The following ZNF708 variants were observed in gnomAD, a reference collection of about 807,000 sequenced individuals.
The protein encoded by ZNF708 is zinc finger protein 708.
In ZNF708, 44 loss-of-function variants were observed where a neutral mutation model predicts 47.0. The ratio of observed to expected loss-of-function variants is 0.94; its 90% CI spans 0.74 to 1.20. The LOEUF (loss-of-function observed/expected upper bound fraction) is 1.20, where lower values mean the gene tolerates loss of function less well. ZNF708 is among the 50% of genes most tolerant of loss of function. The pLI, the probability that ZNF708 is intolerant of heterozygous loss-of-function variation, is 0.00. For synonymous variants in ZNF708, 184 were observed against 218.5 expected (o/e 0.84, Z 1.39); for missense variants, 557 against 656.0 (o/e 0.85, Z 1.65).
chr19:21,309,400 G>A, intron 2 of ZNF708, 59 bp from the exon 3 acceptor site: 1 of 1,441,158 alleles, frequency 6.9e-7, no homozygotes, highest in Non-Finnish European at 9.3e-7. Flanking sequence ...TACCAACCTA[G>A]TAATTTTCTC....
At chr19:21,305,153 G>A (rs1200140434) in intron 3 of ZNF708, among the ~76,000 whole-genome samples, 4 of 151,772 alleles carry the variant, frequency 2.6e-5, no homozygotes, top group East Asian at 1.9e-4. Context: ...TAGGACTACA[G>A]GTGCGTGCCA....
At chr19:21,328,177 G>A (rs527060) in intron 1 of ZNF708, 158,892 of 169,418 alleles carry the variant, frequency 0.94, 74,809 homozygotes, top group Middle Eastern at 0.98. Flanking sequence ...TTCTGTGCCT[G>A]AGGAAGATAA....
rs565090382 is a variant in ZNF708 at position 21,302,655 on chromosome 19, T to C, written c.226+6591A>G. The stretch of plus-strand genomic sequence containing the variant: ...TGGAGGTTGCAGTGAGCCGAGATCA[T>C]GCCATTGCACTCCAGCCTGGGTGAC... On this transcript the variant is annotated intron_variant, in intron 3 of 3. Coordinates refer to ENST00000356929, the MANE Select transcript of ZNF708 (RefSeq NM_021269.3). Among the ~76,000 whole-genome samples, 3 of 152,136 alleles carry C rather than the reference T, an allele frequency of 2.0e-5. No individual in the cohort carries two copies. The East Asian group carries it at 5.8e-4, about 29-fold the overall frequency.
At chr19:21,308,548 G>C (rs957251394) in intron 3 of ZNF708, among the ~76,000 whole-genome samples, 28 of 152,088 alleles carry the variant, frequency 1.8e-4, no homozygotes, top group Middle Eastern at 3.4e-3. Context: ...CACAGTGCTG[G>C]GTTTACAGGA....
intron 3 of ZNF708, among the ~76,000 whole-genome samples, chr19:21,304,804 C>T (rs1297797530): frequency 6.6e-6 from 1 of 152,106 alleles, no homozygotes; most frequent in East Asian, 1.9e-4. Context: ...GCCCAGCAGG[C>T]TGAGGTTGCA....
chr19:21,316,209 C>A (rs1973006339), intron 1 of ZNF708, among the ~76,000 whole-genome samples: 2 of 145,554 alleles, frequency 1.4e-5, no homozygotes, highest in Admixed American at 1.4e-4. Flanking sequence ...TCTCAGCTCA[C>A]CGCAACTTCC....
At chr19:21,325,239 A>G (rs1973231818) in intron 1 of ZNF708, among the ~76,000 whole-genome samples, 1 of 152,214 alleles carries the variant, frequency 6.6e-6, no homozygotes, top group Non-Finnish European at 1.5e-5. Flanking sequence ...GTGGAACAAA[A>G]AAGAGCCTGC....
Position 21,293,389 on chromosome 19 carries a change from T to C in ZNF708, c.1577A>G (p.His526Arg), listed in dbSNP as rs768505226. Residue 526 changes from histidine (H) to arginine (R), a missense_variant, in exon 4 of 4, where the codon CAT (histidine) becomes CGT (arginine). Transcript: ENST00000356929. ...ACATTTGTAGGGTTTCTCTCCAGTA[T>C]GAATTATCTTATGTTTCATAAGGGT... ...SSTLMKHKII[H>R]TGEKPYKCEE... 1.9e-6 allele frequency: 3 copies of C among 1,613,728 alleles called. No homozygotes were observed. Among genetic ancestry groups the C allele is most frequent in the East Asian group, 4.5e-5 (2 of 44,794 alleles).
rs141528838 is a variant in ZNF708, at chr19:21,312,463, C to T, written c.4-1836G>A. The stretch of plus-strand genomic sequence containing the variant: ...TGGGAGACAGAGTGAGACTCCATCT[C>T]AAAACAAACAAATACAACATGGATG... On this transcript the variant is annotated intron_variant, in intron 1 of 3. Coordinates refer to ENST00000356929, the MANE Select transcript of ZNF708 (RefSeq NM_021269.3). Among the ~76,000 whole-genome samples, 217 of 152,204 alleles carry T rather than the reference C, an allele frequency of 1.4e-3. 1 individual carries two copies. Among genetic ancestry groups the T allele is most frequent in the African/African-American group, 4.9e-3 (205 of 41,526 alleles).
chr19:21,309,188 TTC>T lies in ZNF708; in HGVS notation c.226+56_226+57del, dbSNP rs766994910. On this transcript the variant is annotated intron_variant, in intron 3 of 3. Transcript: ENST00000356929. ...CCAAGTCAAATTTTAAGGACTGGTTTTCTCTTTTACCTTTGGACCTCACATCT... is the reference window on the plus strand; with the variant it reads ...CCAAGTCAAATTTTAAGGACTGGTTTTCTTTTACCTTTGGACCTCACATCT... The T allele has an allele frequency of 1.5e-4, 215 of 1,439,528 alleles. 1 individual carries two copies. Among genetic ancestry groups the T allele is most frequent in the Middle Eastern group, 1.3e-3 (7 of 5,508 alleles). 89.2% of individuals were successfully genotyped at this position (1,439,528 alleles called of 1,614,324 possible).
chr19:21,305,683 T>G (rs586144), intron 3 of ZNF708, among the ~76,000 whole-genome samples: 144,614 of 151,986 alleles, frequency 0.95, 69,047 homozygotes, highest in Middle Eastern at 1. Flanking sequence ...GGATGGTCTC[T>G]AACTCCTGAC....
Position 21,293,810 on chromosome 19 carries a change from GA to G in ZNF708, c.1155del (p.His386IlefsTer27). The G allele has an allele frequency of 6.2e-7, 1 of 1,613,352 alleles. No individual in the cohort carries two copies. The highest frequency in any genetic ancestry group is 8.5e-7 in the Non-Finnish European group (1 of 1,179,820). Reference sequence around the variant, plus strand: ...CATTTGTAGGGTTTCTCTCCAGTATGAATTACCTTATGATTAGTAAGGTGTG... The same window carrying G: ...CATTTGTAGGGTTTCTCTCCAGTATGATTACCTTATGATTAGTAAGGTGTG... ...RSSHLTNHKVIHTGEKPYKCE... is the reference protein window; with the variant it reads ...RSSHLTNHKVXHTGEKPYKCE... On this transcript the variant is annotated frameshift_variant, in exon 4 of 4. Transcript: ENST00000356929. LOFTEE classifies it high-confidence loss of function.
chr19:21,317,693 A>T (rs1252248453), intron 1 of ZNF708, among the ~76,000 whole-genome samples: 1 of 152,222 alleles, frequency 6.6e-6, no homozygotes, highest in Non-Finnish European at 1.5e-5. Context: ...GACTGCAAAG[A>T]CAGAAAGATA....
chr19:21,311,228 A>G (rs1219073606), intron 1 of ZNF708, among the ~76,000 whole-genome samples: 1 of 152,202 alleles, frequency 6.6e-6, no homozygotes, highest in Non-Finnish European at 1.5e-5. Context: ...ACATATGTAT[A>G]CAAGGAAAAC....
In ZNF708 at chr19:21,294,078, A is replaced by G; in HGVS notation, c.888T>C (p.Thr296=). The G allele has an allele frequency of 1.2e-6, 2 of 1,613,386 alleles. No individual in the cohort carries two copies. Among genetic ancestry groups the G allele is most frequent in the Non-Finnish European group, 1.7e-6 (2 of 1,179,810 alleles). ...GKAFKQSSNL[T]NHKKIHTGEK... ...CTCCAGTATGAATTTTCTTGTGATT[A>G]GTAAGGTTTGAGGACTGTTTAAAAG... The change falls in exon 4 of 4, where the codon ACT becomes ACC. Residue 296 remains threonine (T), a synonymous_variant. Coordinates refer to ENST00000356929, the MANE Select transcript of ZNF708 (RefSeq NM_021269.3).
intron 3 of ZNF708, among the ~76,000 whole-genome samples, chr19:21,295,133 G>A (rs1309449122): frequency 6.6e-6 from 1 of 151,962 alleles, no homozygotes; most frequent in African/African-American, 2.4e-5. Context: ...TGGCTCTTAG[G>A]GGCCTTTTCA....
At position 21,316,013 on chromosome 19, in the gene ZNF708, G is replaced by A. The variant is rs1972995396; in HGVS notation, c.4-5386C>T. Among the ~76,000 whole-genome samples, 8 of 149,940 alleles carry A rather than the reference G, an allele frequency of 5.3e-5. No individual in the cohort carries two copies. The South Asian group carries it at 1.7e-3, about 32-fold the overall frequency. On this transcript the variant is annotated intron_variant, in intron 1 of 3. Transcript: ENST00000356929. ...GAACCTGGGAGGCGGAGATTGCAGT[G>A]AGCCGAGTTCGTGCCATTGCACTCC... is the stretch of plus-strand genomic sequence containing the variant.
rs1290264271 is a variant in ZNF708, at chr19:21,294,574, C to T, written c.392G>A (p.Cys131Tyr). ...HKGGHKGLNR[C>Y]VTTTQSKIVQ... The stretch of plus-strand genomic sequence containing the variant: ...TATTTTGCTCTGGGTAGTTGTCACA[C>T]ACCGGTTAAGTCCCTTGTGACCTCC... The change falls in exon 4 of 4, where the codon TGT becomes TAT. Residue 131 changes from cysteine (C) to tyrosine (Y), a missense_variant. Transcript: ENST00000356929. The T allele has an allele frequency of 8.7e-6, 14 of 1,613,958 alleles. No homozygotes were observed. Among genetic ancestry groups the T allele is most frequent in the East Asian group, 2.2e-5 (1 of 44,870 alleles).
At chr19:21,316,374 T>C (rs2968058) in intron 1 of ZNF708, among the ~76,000 whole-genome samples, 12 of 151,830 alleles carry the variant, frequency 7.9e-5, no homozygotes, top group African/African-American at 2.7e-4. Context: ...GATCCACCCG[T>C]CTTGGCCTCC....
Sources: gnomAD v4.1 joint callset for allele counts (sites outside exome capture counted in the v4.1 genomes callset) on GRCh38, gnomAD v4.1.1 for gene constraint, MANE v1.5 for transcripts, NCBI Gene and HGNC (gene_info 2026-07-23, HGNC 2026-07-21) for gene names.